The following DBNDD2 variants were observed in gnomAD, a reference collection of about 807,000 sequenced individuals.
DBNDD2 encodes dysbindin domain-containing protein 2.
A neutral mutation model predicts 14.0 loss-of-function variants in DBNDD2; 8 were observed. The observed-to-expected ratio is 0.57, with a 90% CI of 0.33 to 1.03. The LOEUF is 1.03. DBNDD2 is among the 50% of genes least tolerant of loss of function. The probability of loss-of-function intolerance (pLI) is 0.03; values close to 1 mark genes in which losing one functional copy is unlikely to be tolerated. For synonymous variants in DBNDD2, 94 were observed against 85.3 expected (o/e 1.10, Z -0.56); for missense variants, 194 against 206.0 (o/e 0.94, Z 0.36).
Position 45,410,232 on chromosome 20 carries a change from C to T in DBNDD2, c.*92C>T. ...GAGCCTGTCGGGAGAAGACCAGACTCTTTACTTGCAGTAGGCACCAGAGGT... is the reference window on the plus strand; with the variant it reads ...GAGCCTGTCGGGAGAAGACCAGACTTTTTACTTGCAGTAGGCACCAGAGGT... On this transcript the variant is annotated 3_prime_UTR_variant, in exon 3 of 3. Coordinates refer to ENST00000372710, the MANE Select transcript of DBNDD2 (RefSeq NM_001048225.4). 2 of 1,376,324 alleles carry T rather than the reference C, an allele frequency of 1.5e-6. No homozygotes were observed. The highest frequency in any genetic ancestry group is 2.0e-6 in the Non-Finnish European group (2 of 1,002,110). 85.3% of individuals were successfully genotyped at this position (1,376,324 alleles called of 1,614,324 possible). A position where few individuals can be genotyped will look rare whatever the true frequency, so the allele number is the denominator to read the frequency against.
chr20:45,407,254 G>A, upstream of DBNDD2: 2 of 933,318 alleles, frequency 2.1e-6, no homozygotes, highest in Non-Finnish European at 2.6e-6. Context: ...CCCGGGAATC[G>A]GCGTCAGCGC....
chr20:45,407,420 C>G, upstream of DBNDD2: 1 of 985,862 alleles, frequency 1.0e-6, no homozygotes, highest in Non-Finnish European at 1.2e-6. Flanking sequence ...GTGGGGAAGG[C>G]AGTCTGCGGA....
upstream of DBNDD2, chr20:45,406,765 C>A: frequency 3.2e-6 from 4 of 1,262,948 alleles, no homozygotes; most frequent in Non-Finnish European, 3.0e-6. Flanking sequence ...GCGCAGGTGC[C>A]GCGGTGGACC....
chr20:45,406,274 G>GGC (rs1401545462), upstream of DBNDD2: 2 of 572,550 alleles, frequency 3.5e-6, no homozygotes, highest in East Asian at 3.5e-5. Context: ...TCGTTGCGTG[G>GGC]GCGCTGCCCA....
Position 45,409,977 on chromosome 20 carries a change from C to T in DBNDD2, c.323C>T (p.Ser108Leu), listed in dbSNP as rs370820232. The change falls in exon 3 of 3, where the codon TCA (serine) becomes TTA (leucine). Residue 108 changes from serine (S) to leucine (L), a missense_variant. Transcript: ENST00000372710. Reference sequence around the variant, plus strand: ...GAGCTGAGCCTGCCGGTGCCTACATCAGACAGGACCACATCTAGGACCTCC... The same window carrying T: ...GAGCTGAGCCTGCCGGTGCCTACATTAGACAGGACCACATCTAGGACCTCC... Reference protein sequence around the residue: ...LEELSLPVPTSDRTTSRTSSS... With the variant: ...LEELSLPVPTLDRTTSRTSSS... 2 of 1,551,844 alleles carry T rather than the reference C, an allele frequency of 1.3e-6. No individual in the cohort carries two copies. The highest frequency in any genetic ancestry group is 1.7e-6 in the Non-Finnish European group (2 of 1,147,024).
chr20:45,407,605 T>A, upstream of DBNDD2: 1 of 988,150 alleles, frequency 1.0e-6, no homozygotes, highest in Middle Eastern at 5.2e-4. Flanking sequence ...GGAGGCCTGC[T>A]CTGAACTGGA....
At chr20:45,406,965 C>G (rs931450764), upstream of DBNDD2, among the ~76,000 whole-genome samples, 2 of 152,184 alleles carry the variant, frequency 1.3e-5, no homozygotes, top group Non-Finnish European at 2.9e-5. Flanking sequence ...CTCCTGCCCC[C>G]AAATCTCTTC....
At chr20:45,406,812 G>T, upstream of DBNDD2, 1 of 1,227,868 alleles carries the variant, frequency 8.1e-7, no homozygotes, top group Non-Finnish European at 1.0e-6. Context: ...ACGGCCTTGG[G>T]GGAGCGCCCT....
chr20:45,409,844 T>A, intron 2 of DBNDD2, 88 bp from the exon 3 acceptor site: 1 of 1,380,588 alleles, frequency 7.2e-7, no homozygotes, highest in Non-Finnish European at 1.0e-6. Flanking sequence ...TCTGCCCCAC[T>A]GTGGACTTTA....
upstream of DBNDD2, chr20:45,407,960 G>C (rs1464070899): frequency 7.1e-7 from 1 of 1,401,496 alleles, no homozygotes; most frequent in Non-Finnish European, 9.2e-7. Flanking sequence ...GGGAGGAGTT[G>C]CTTTAGCCTT....
chr20:45,407,908 G>C, upstream of DBNDD2: 2 of 1,302,054 alleles, frequency 1.5e-6, no homozygotes, highest in Non-Finnish European at 2.0e-6. Context: ...TGGCACATGC[G>C]TGTGTACGTG....
Position 45,410,268 on chromosome 20 carries a change from G to T in DBNDD2, c.*128G>T. 6 of 1,008,564 alleles carry T rather than the reference G, an allele frequency of 5.9e-6. No individual in the cohort carries two copies. The South Asian group carries it at 9.5e-5, about 16-fold the overall frequency. The allele number at this position is 1,008,564 out of a possible 1,614,324, so 62.5% of individuals were successfully genotyped here. A position where few individuals can be genotyped will look rare whatever the true frequency, so the allele number is the denominator to read the frequency against. Reference sequence around the variant, plus strand: ...GTAGGCACCAGAGGTGGGAAGGATGGTGGGATTGTGTACCTTTCTAAGAAT... The same window carrying T: ...GTAGGCACCAGAGGTGGGAAGGATGTTGGGATTGTGTACCTTTCTAAGAAT... On this transcript the variant is annotated 3_prime_UTR_variant, in exon 3 of 3. Transcript: ENST00000372710.
At chr20:45,406,427 G>T, upstream of DBNDD2, 2 of 1,520,416 alleles carry the variant, frequency 1.3e-6, no homozygotes, top group Non-Finnish European at 8.8e-7. Context: ...GTGCAGAGGA[G>T]TCCGGCTGGG....
At chr20:45,406,323 C>A, upstream of DBNDD2, 1 of 821,768 alleles carries the variant, frequency 1.2e-6, no homozygotes, top group Non-Finnish European at 1.8e-6. Context: ...GCAGAACCGG[C>A]GCGGGCGCCC....
upstream of DBNDD2, chr20:45,406,622 G>A (rs1989411652): frequency 7.1e-7 from 1 of 1,406,016 alleles, no homozygotes; most frequent in Middle Eastern, 2.4e-4. Flanking sequence ...TCGGTCCCCC[G>A]GGAGCCCTGG....
At position 45,408,785 on chromosome 20, in the gene DBNDD2, A is replaced by T. The variant is rs560732435; in HGVS notation, c.140-16A>T. 1.8e-5 allele frequency: 29 copies of T among 1,612,854 alleles called. No homozygotes were observed. In the East Asian group the frequency reaches 5.8e-4, roughly 32 times the overall value. On this transcript the variant is annotated splice_polypyrimidine_tract_variant and intron_variant, in intron 1 of 2. Coordinates refer to ENST00000372710, the MANE Select transcript of DBNDD2 (RefSeq NM_001048225.4). ...CAGCTTGGGTCCTCCTGACTTGCCC[A>T]CTTCTTGATCCGCAGCCCCCATAGG...
At position 45,410,232 on chromosome 20, in the gene DBNDD2, C is replaced by G. The variant is rs1989774385; in HGVS notation, c.*92C>G. 2.2e-6 allele frequency: 3 copies of G among 1,376,324 alleles called. No individual in the cohort carries two copies. Among genetic ancestry groups the G allele is most frequent in the African/African-American group, 1.4e-5 (1 of 69,606 alleles). 85.3% of individuals were successfully genotyped at this position (1,376,324 alleles called of 1,614,324 possible). A position where few individuals can be genotyped will look rare whatever the true frequency, so the allele number is the denominator to read the frequency against. Reference sequence around the variant, plus strand: ...GAGCCTGTCGGGAGAAGACCAGACTCTTTACTTGCAGTAGGCACCAGAGGT... The same window carrying G: ...GAGCCTGTCGGGAGAAGACCAGACTGTTTACTTGCAGTAGGCACCAGAGGT... On this transcript the variant is annotated 3_prime_UTR_variant, in exon 3 of 3. Transcript: ENST00000372710.
At chr20:45,406,806 C>T (rs1989434777), upstream of DBNDD2, 1 of 1,230,292 alleles carries the variant, frequency 8.1e-7, no homozygotes. Flanking sequence ...AGGGGAACGG[C>T]CTTGGGGGAG....
At chr20:45,406,410 G>A (rs769601400), upstream of DBNDD2, 23 of 1,486,924 alleles carry the variant, frequency 1.5e-5, no homozygotes, top group African/African-American at 3.4e-4. Context: ...CGTCGGTGGC[G>A]AGGGTGGTGC....
Sources: gnomAD v4.1 joint callset for allele counts (sites outside exome capture counted in the v4.1 genomes callset) on GRCh38, gnomAD v4.1.1 for gene constraint, MANE v1.5 for transcripts, NCBI Gene and HGNC (gene_info 2026-07-23, HGNC 2026-07-21) for gene names.